Variants in TTLL8 observed in about 807,000 individuals in gnomAD.
TTLL8 encodes tubulin tyrosine ligase like 8.
TTLL8 carries 65 observed loss-of-function variants against 77.8 expected under a neutral mutation model. The observed-to-expected ratio is 0.84, with a 90% confidence interval of 0.68 to 1.03. TTLL8 has a LOEUF of 1.03. Among genes scored for constraint, TTLL8 ranks in the 50% least tolerant of loss-of-function variants. The pLI is 0.00. For synonymous variants in TTLL8, 402 were observed against 422.8 expected (o/e 0.95, Z 0.60); for missense variants, 910 against 1,004.5 (o/e 0.91, Z 1.27).
At chr22:50,056,107 T>A (rs2061469425), upstream of TTLL8, among the ~76,000 whole-genome samples, 1 of 151,936 alleles carries the variant, frequency 6.6e-6, no homozygotes, top group Non-Finnish European at 1.5e-5. This position sits in a 1 kb window ranked among gnomAD's most constrained non-coding sequence, Gnocchi z 4.1. Context: ...AAAATAAAAT[T>A]AAATTAAGAA....
chr22:50,049,375 C>T (rs958471037), intron 2 of TTLL8, 53 bp from the exon 5 acceptor site: 12 of 1,363,270 alleles, frequency 8.8e-6, no homozygotes, highest in African/African-American at 4.4e-5. Context: ...CCAGACTTCC[C>T]GCACCGGGTC....
intron 1 of TTLL8, among the ~76,000 whole-genome samples, chr22:50,053,344 C>T (rs1199279011): frequency 6.6e-6 from 1 of 151,942 alleles, no homozygotes; most frequent in Non-Finnish European, 1.5e-5. Context: ...TTCTCGACCA[C>T]AATGCAATCA....
chr22:50,045,959 G>A (rs200692754), exon 5 of TTLL8: 11 of 1,355,294 alleles, frequency 8.1e-6, no homozygotes, highest in African/African-American at 1.5e-5. Flanking sequence ...GCATGTTCAC[G>A]CACAGCCCGA....
exon 12 of TTLL8, chr22:50,030,911 C>T: frequency 2.3e-6 from 3 of 1,320,588 alleles, no homozygotes; most frequent in Non-Finnish European, 2.0e-6. Flanking sequence ...TGAATGGGGG[C>T]GGCTCAACCA....
In TTLL8 at chr22:50,030,672, A is replaced by C. The variant is rs1296715484; in HGVS notation, c.1961T>G (p.Leu654Ter). The stretch of plus-strand genomic sequence containing the variant: ...TCCACCGCTCTCGGCTGCCCCCCTT[A>C]AGGGTGCCAGCAAGGCCAGGGGGAG... Residue 654 changes from leucine to a stop codon, truncating the protein, a stop_gained, in exon 12 of 14, where the codon TTA (leucine) becomes TGA (stop). Coordinates refer to ENST00000266182, the Ensembl canonical transcript of TTLL8. LOFTEE classifies it high-confidence loss of function. 1.6e-6 allele frequency: 2 copies of C among 1,284,310 alleles called. No homozygotes were observed. The allele number at this position is 1,284,310 out of a possible 1,614,324, so 79.6% of individuals were successfully genotyped here.
intron 2 of TTLL8, among the ~76,000 whole-genome samples, chr22:50,049,855 C>A (rs1023751641): frequency 6.6e-6 from 1 of 152,040 alleles, no homozygotes; most frequent in African/African-American, 2.4e-5. Flanking sequence ...AGAAACCGCC[C>A]GGGCAGGAGG....
chr22:50,048,831 G>A (rs1230234368), intron 3 of TTLL8, among the ~76,000 whole-genome samples: 1 of 152,216 alleles, frequency 6.6e-6, no homozygotes, highest in Non-Finnish European at 1.5e-5. Flanking sequence ...GCCCCGGAGG[G>A]ACTAGGCTGG....
At position 50,038,319 on chromosome 22, in the gene TTLL8, G is replaced by T. The variant is rs114315119; in HGVS notation, c.921+2868C>A. Among the ~76,000 whole-genome samples, 596 of 151,492 alleles carry T rather than the reference G, an allele frequency of 3.9e-3. 1 individual carries two copies. The highest frequency in any genetic ancestry group is 0.014 in the African/African-American group (573 of 41,302). On this transcript the variant is annotated intron_variant, in intron 8 of 13. Coordinates refer to ENST00000266182, the Ensembl canonical transcript of TTLL8. Reference sequence around the variant, plus strand: ...GAACAATCATATCATCTACAAATAGGAACTTTATTTCTTCCTTTCTGATCT... The same window carrying T: ...GAACAATCATATCATCTACAAATAGTAACTTTATTTCTTCCTTTCTGATCT...
rs977668585 is a variant in TTLL8 at position 50,034,592 on chromosome 22, T to C, written c.922-130A>G. On this transcript the variant is annotated intron_variant, in intron 8 of 13. Transcript: ENST00000266182. This position sits in a 1 kb window ranked among gnomAD's most constrained non-coding sequence, Gnocchi z 4.1. ...AAGCAGGCGCTCGGCTCTAGGATGG[T>C]CTGGGGCTGGCCTGGCGGGAAAGGG... The C allele has an allele frequency of 3.0e-6, 3 of 1,011,912 alleles. No homozygotes were observed. Among genetic ancestry groups the C allele is most frequent in the Non-Finnish European group, 3.9e-6 (3 of 760,548 alleles). The allele number at this position is 1,011,912 out of a possible 1,614,324, so 62.7% of individuals were successfully genotyped here. A position where few individuals can be genotyped will look rare whatever the true frequency, so the allele number is the denominator to read the frequency against.
Position 50,034,102 on chromosome 22 carries a change from AAAG to A in TTLL8, c.1039+240_1039+242del, listed in dbSNP as rs2146655040. 6.6e-6 allele frequency among the ~76,000 whole-genome samples: 1 copy of A among 152,382 alleles called. No homozygotes were observed. Among genetic ancestry groups the A allele is most frequent in the African/African-American group, 2.4e-5 (1 of 41,594 alleles). ...AAAGCATAGACCAGTTTGTGAATACAAAGGAGGAAATCCTGATTAACCCATCAA... is the reference window on the plus strand; with the variant it reads ...AAAGCATAGACCAGTTTGTGAATACAGAGGAAATCCTGATTAACCCATCAA... On this transcript the variant is annotated intron_variant, in intron 9 of 13. Coordinates refer to ENST00000266182, the Ensembl canonical transcript of TTLL8. This position sits in a 1 kb window ranked among gnomAD's most constrained non-coding sequence, Gnocchi z 4.1.
At chr22:50,047,448 C>T (rs1476828807) in intron 3 of TTLL8, among the ~76,000 whole-genome samples, 152 bp from the exon 6 acceptor site, 1 of 152,216 alleles carries the variant, frequency 6.6e-6, no homozygotes, top group African/African-American at 2.4e-5. Flanking sequence ...CCTTGTGGGC[C>T]TCCTGCACAT....
At chr22:50,053,011 C>T (rs950491695) in intron 1 of TTLL8, among the ~76,000 whole-genome samples, 3 of 152,286 alleles carry the variant, frequency 2.0e-5, no homozygotes, top group African/African-American at 7.2e-5. Flanking sequence ...CACCTGAGGT[C>T]AGGAGTTCAA....
In TTLL8 at chr22:50,044,828, C is replaced by T. The variant is rs545553210; in HGVS notation, c.643+427G>A. Reference sequence around the variant, plus strand: ...ATTTGGGTTTTGTCCAAAAACACGACGGCTGGTTCACATCCCTGTACCACC... The same window carrying T: ...ATTTGGGTTTTGTCCAAAAACACGATGGCTGGTTCACATCCCTGTACCACC... On this transcript the variant is annotated intron_variant, in intron 6 of 13. Coordinates refer to ENST00000266182, the Ensembl canonical transcript of TTLL8. The surrounding 1 kb of genome is among the most constrained non-coding windows in gnomAD (Gnocchi z 4.2). Among the ~76,000 whole-genome samples the T allele has an allele frequency of 8.5e-5, 13 of 152,308 alleles. No homozygotes were observed. The highest frequency in any genetic ancestry group is 8.3e-4 in the South Asian group (4 of 4,826).
In TTLL8 at chr22:50,044,943, G is replaced by A. The variant is rs566949054; in HGVS notation, c.643+312C>T. 6.6e-6 allele frequency among the ~76,000 whole-genome samples: 1 copy of A among 152,254 alleles called. No individual in the cohort carries two copies. Among genetic ancestry groups the A allele is most frequent in the African/African-American group, 2.4e-5 (1 of 41,558 alleles). ...GCTGCGGCATCGTGGTGGCCGTGGG[G>A]TGGGGCAGGCTTCCGACCACAGGCT... On this transcript the variant is annotated intron_variant, in intron 6 of 13. Transcript: ENST00000266182. This position sits in a 1 kb window ranked among gnomAD's most constrained non-coding sequence, Gnocchi z 4.2.
chr22:50,057,085 CTCTGGGGTTGGGATCAGG>C (rs2061474776), upstream of TTLL8: 1 of 727,282 alleles, frequency 1.4e-6, no homozygotes, highest in Non-Finnish European at 2.0e-6. Context: ...TGGGGATCAG[CTCTGGGGTTGGGATCAGG>C]TCTGGGTTGG....
rs1004850652 is a variant in TTLL8, at chr22:50,049,463, C to G, written c.191-141G>C. The G allele has an allele frequency of 3.7e-5, 33 of 898,970 alleles. No individual in the cohort carries two copies. In the African/African-American group the frequency reaches 5.2e-4, roughly 14 times the overall value. The allele number at this position is 898,970 out of a possible 1,614,324, so 55.7% of individuals were successfully genotyped here. A position where few individuals can be genotyped will look rare whatever the true frequency, so the allele number is the denominator to read the frequency against. ...CAGATGGGGCCTTCCCCTGGTGGAG[C>G]AGGAGCCTCTGTGGGTCCTGAGTCA... On this transcript the variant is annotated intron_variant, in intron 2 of 13. Transcript: ENST00000266182.
chr22:50,030,057 C>G (rs2061275398), intron 12 of TTLL8: 1 of 696,832 alleles, frequency 1.4e-6, no homozygotes. Flanking sequence ...CACTTTGGCC[C>G]CTCGCTCGGC....
At chr22:50,050,069 C>G in intron 2 of TTLL8, 40 bp downstream of exon 4, 2 of 1,358,366 alleles carry the variant, frequency 1.5e-6, no homozygotes, top group South Asian at 1.2e-5. Flanking sequence ...GTGACAGACG[C>G]ACACGCCCTG....
intron 12 of TTLL8, among the ~76,000 whole-genome samples, chr22:50,022,633 G>A (rs181499127): frequency 1.4e-3 from 205 of 151,520 alleles, no homozygotes; most frequent in African/African-American, 4.9e-3. Context: ...TCCATCTGAC[G>A]ACGTGCACTC....
Sources: allele counts gnomAD v4.1 joint callset (sites outside exome capture counted in the v4.1 genomes callset), GRCh38; gene constraint gnomAD v4.1.1; non-coding constraint Gnocchi (gnomAD v3.1); transcripts MANE v1.5; gene names NCBI Gene and HGNC (gene_info 2026-07-23, HGNC 2026-07-21).